MED1: variants seen among roughly 807,000 people sequenced by gnomAD.
MED1 encodes mediator complex subunit 1.
A neutral mutation model predicts 121.3 loss-of-function variants in MED1; 17 were observed. The ratio of observed to expected loss-of-function variants is 0.14; its 90% CI spans 0.10 to 0.21. The LOEUF (loss-of-function observed/expected upper bound fraction) is 0.21, where lower values mean the gene tolerates loss of function less well. Ranked by LOEUF, MED1 falls within the 10% of genes least tolerant of loss-of-function variation. The pLI, the probability that MED1 is intolerant of heterozygous loss-of-function variation, is 1.00. For missense variants in MED1, 1,558 were observed against 1,919.4 expected, an observed-to-expected ratio of 0.81 and a Z score of 3.52; for synonymous variants, 661 against 694.4, an observed-to-expected ratio of 0.95 and a Z score of 0.76.
At chr17:39,423,887 C>CT (rs373440713) in intron 11 of MED1, 66 bp from the exon 12 acceptor site, 81,707 of 1,098,690 alleles carry the variant, frequency 0.074, 10 homozygotes, top group Non-Finnish European at 0.081. Flanking sequence ...ACCCAAACAC[C>CT]TTTTTTTTTT....
chr17:39,427,623 A>T, intron 10 of MED1, 78 bp downstream of exon 10: 1 of 1,038,622 alleles, frequency 9.6e-7, no homozygotes, highest in Non-Finnish European at 1.5e-6. Flanking sequence ...CAAACTCATT[A>T]GAGAATAGCA....
Position 39,423,198 on chromosome 17 carries a change from T to TA in MED1, c.1095+128dup. ...AGATTTCTGTAATTTCCTGCCTTAC[T>TA]AAAGAAATAGGACATGATCCAGCAG... On this transcript the variant is annotated intron_variant, in intron 13 of 16. Transcript: ENST00000300651. 6.7e-6 allele frequency: 5 copies of TA among 744,132 alleles called. No individual in the cohort carries two copies. The South Asian group carries it at 8.9e-5, about 13-fold the overall frequency. 46.1% of individuals were successfully genotyped at this position (744,132 alleles called of 1,614,324 possible).
chr17:39,433,527 C>CTA (rs149231162), intron 7 of MED1, among the ~76,000 whole-genome samples: 26,902 of 144,122 alleles, frequency 0.19, 2,418 homozygotes, highest in Admixed American at 0.22. Flanking sequence ...TTTTTTGTTA[C>CTA]TATATATATA....
rs2048330895 is a variant in MED1, at chr17:39,409,095, C to T, written c.3126G>A (p.Ser1042=). Residue 1042 remains serine (S), a synonymous_variant, in exon 17 of 17, where the codon TCG becomes TCA. Coordinates refer to ENST00000300651, the MANE Select transcript of MED1 (RefSeq NM_004774.4). ...TPPTSTGGSK[S]PGSAGRSQTP... is the part of the protein sequence containing the mutation. ...TCTGAGATCTTCCTGCACTGCCTGG[C>T]GATTTAGATCCACCTGTACTGGTAG... 1.2e-6 allele frequency: 2 copies of T among 1,614,096 alleles called. No individual in the cohort carries two copies. Among genetic ancestry groups the T allele is most frequent in the Non-Finnish European group, 1.7e-6 (2 of 1,180,026 alleles).
chr17:39,432,361 A>G (rs1352391067), intron 7 of MED1, among the ~76,000 whole-genome samples: 3 of 150,744 alleles, frequency 2.0e-5, no homozygotes, highest in Non-Finnish European at 3.0e-5. Context: ...AAAAAAAAAA[A>G]GTTGAAAAAT....
Position 39,423,740 on chromosome 17 carries a change from G to A in MED1, c.933C>T (p.Ile311=). The A allele has an allele frequency of 6.2e-7, 1 of 1,614,016 alleles. No homozygotes were observed. Among genetic ancestry groups the A allele is most frequent in the Non-Finnish European group, 8.5e-7 (1 of 1,179,990 alleles). ...ACFFLKFPQP[I]PVSRAFVQKL... The stretch of plus-strand genomic sequence containing the variant: ...TCTGAACAAATGCTCTAGATACTGG[G>A]ATTGGCTGGGGAAATTTCAAGAAGA... Residue 311 remains isoleucine (I), a synonymous_variant, in exon 12 of 17, where the codon ATC becomes ATT. Transcript: ENST00000300651.
At chr17:39,435,764 C>T (rs2048612444) in intron 6 of MED1, among the ~76,000 whole-genome samples, 2 of 152,004 alleles carry the variant, frequency 1.3e-5, no homozygotes, top group Admixed American at 1.3e-4. Flanking sequence ...GGCGATGGCA[C>T]GATCTCAGCT....
chr17:39,410,827 G>A (rs1340501335), intron 16 of MED1, 106 bp from the exon 17 acceptor site: 2 of 1,453,840 alleles, frequency 1.4e-6, no homozygotes, highest in East Asian at 2.4e-5. Flanking sequence ...TTTCAGGTAG[G>A]GCAAATAATC....
intron 10 of MED1, 137 bp from the exon 11 acceptor site, chr17:39,424,875 TTATG>T (rs1407838314): frequency 5.3e-5 from 31 of 586,212 alleles, no homozygotes; most frequent in South Asian, 3.2e-4. Flanking sequence ...ATTTATTTAT[TTATG>T]TATTTATTTA....
Position 39,409,125 on chromosome 17 carries a change from G to A in MED1, c.3096C>T (p.Thr1032=). The A allele has an allele frequency of 1.2e-6, 2 of 1,614,090 alleles. No individual in the cohort carries two copies. Among genetic ancestry groups the A allele is most frequent in the East Asian group, 4.5e-5 (2 of 44,882 alleles). The change falls in exon 17 of 17, where the codon ACC becomes ACT. Residue 1032 remains threonine, a synonymous_variant. Coordinates refer to ENST00000300651, the MANE Select transcript of MED1 (RefSeq NM_004774.4). ...TAGATCCACCTGTACTGGTAGGTGGGGTAAAAGGTCTGTTAGAAGAACTAT... is the reference window on the plus strand; with the variant it reads ...TAGATCCACCTGTACTGGTAGGTGGAGTAAAAGGTCTGTTAGAAGAACTAT... ...PSHSSSNRPF[T]PPTSTGGSKS... is the part of the protein sequence containing the mutation.
At position 39,407,570 on chromosome 17, in the gene MED1, T is replaced by C. The variant is rs1333055161; in HGVS notation, c.4651A>G (p.Ile1551Val). Residue 1551 changes from isoleucine to valine, a missense_variant, in exon 17 of 17, where the codon ATC (isoleucine) becomes GTC (valine). Ile to Val is a conservative substitution (Grantham distance 29, BLOSUM62 3). Transcript: ENST00000300651. The part of the protein sequence containing the change: ...DQSLSMTSNT[I>V]LSADRPSRLS... The stretch of plus-strand genomic sequence containing the variant: ...CTTGAGGGTCTGTCTGCAGATAAGA[T>C]TGTGTTACTTGTCATAGACAAGGAC... 5.6e-6 allele frequency: 9 copies of C among 1,613,958 alleles called. No individual in the cohort carries two copies. Among genetic ancestry groups the C allele is most frequent in the Non-Finnish European group, 7.6e-6 (9 of 1,179,994 alleles).
intron 13 of MED1, among the ~76,000 whole-genome samples, chr17:39,421,238 C>CAAAAAA (rs760121026): frequency 1.5e-5 from 1 of 64,916 alleles, no homozygotes. Flanking sequence ...GCACCAAGAG[C>CAAAAAA]AAAAAAAAAA....
intron 1 of MED1, among the ~76,000 whole-genome samples, chr17:39,448,236 G>T (rs1368970088): frequency 6.6e-6 from 1 of 151,154 alleles, no homozygotes; most frequent in African/African-American, 2.4e-5. Context: ...CAGATGTGGT[G>T]GTGCATGCCT....
intron 6 of MED1, among the ~76,000 whole-genome samples, 158 bp downstream of exon 6, chr17:39,439,007 G>A (rs780872911): frequency 6.6e-6 from 1 of 152,168 alleles, no homozygotes; most frequent in Non-Finnish European, 1.5e-5. Context: ...GCTATGCTAT[G>A]TCAATTCAGG....
At chr17:39,444,975 G>A (rs72825191) in intron 2 of MED1, among the ~76,000 whole-genome samples, 1,947 of 152,036 alleles carry the variant, frequency 0.013, 14 homozygotes, top group Non-Finnish European at 0.022. Flanking sequence ...CCCTAAAAAC[G>A]TGAACAGTTT....
At position 39,440,609 on chromosome 17, in the gene MED1, G is replaced by A. The variant is rs754821988; in HGVS notation, c.266+14C>T. On this transcript the variant is annotated intron_variant, in intron 4 of 16. Transcript: ENST00000300651. The surrounding 1 kb of genome is among the most constrained non-coding windows in gnomAD (Gnocchi z 4.1). ...ACTAAGTTAAACATTTCTGCCTACA[G>A]AAAGACTACTTACCCATTCTGTCTT... 6.2e-7 allele frequency: 1 copy of A among 1,612,724 alleles called. No individual in the cohort carries two copies. The highest frequency in any genetic ancestry group is 2.2e-5 in the East Asian group (1 of 44,866).
chr17:39,436,771 TTTA>T (rs1190156633), intron 6 of MED1, among the ~76,000 whole-genome samples: 1 of 152,084 alleles, frequency 6.6e-6, no homozygotes, highest in Admixed American at 6.6e-5. Context: ...CACATAATTC[TTTA>T]TTATTTTTTT....
intron 1 of MED1, among the ~76,000 whole-genome samples, chr17:39,448,865 C>G (rs1032984929): frequency 6.6e-6 from 1 of 151,998 alleles, no homozygotes; most frequent in African/African-American, 2.4e-5. Flanking sequence ...GCCCAGATTG[C>G]GCCACTGCAC....
At chr17:39,446,440 A>G (rs2048728089) in intron 2 of MED1, among the ~76,000 whole-genome samples, 1 of 89,338 alleles carries the variant, frequency 1.1e-5, no homozygotes, top group South Asian at 6.0e-4. Context: ...ACAAAGCGAC[A>G]CTCCATCTCA....
Sources: allele counts gnomAD v4.1 joint callset (sites outside exome capture counted in the v4.1 genomes callset), GRCh38; gene constraint gnomAD v4.1.1; non-coding constraint Gnocchi (gnomAD v3.1); transcripts MANE v1.5; gene names NCBI Gene and HGNC (gene_info 2026-07-23, HGNC 2026-07-21).